GLYR1: variants seen among roughly 807,000 people sequenced by gnomAD.
GLYR1 encodes glyoxylate reductase 1 homolog.
In GLYR1, 21 loss-of-function variants were observed where a neutral mutation model predicts 72.7. That is an observed-to-expected ratio of 0.29 (90% CI 0.20 to 0.42). The LOEUF (loss-of-function observed/expected upper bound fraction) is 0.42, where lower values mean the gene tolerates loss of function less well. GLYR1 is among the 10% of genes least tolerant of loss of function. The pLI, the probability that GLYR1 is intolerant of heterozygous loss-of-function variation, is 1.00. For missense variants in GLYR1, 594 were observed against 712.1 expected, an observed-to-expected ratio of 0.83 and a Z score of 1.89; for synonymous variants, 392 against 270.2, an observed-to-expected ratio of 1.45 and a Z score of -4.42.
At position 4,834,647 on chromosome 16, in the gene GLYR1, G is replaced by C. The variant is rs138282932; in HGVS notation, c.156-1735C>G. Among the ~76,000 whole-genome samples, 1,047 of 152,128 alleles carry C rather than the reference G, an allele frequency of 6.9e-3. 9 individuals carry two copies. Among genetic ancestry groups the C allele is most frequent in the African/African-American group, 0.024 (1,003 of 41,502 alleles). On this transcript the variant is annotated intron_variant, in intron 3 of 15. Transcript: ENST00000321919. ...CACCCAGCTAATTTTTATGTTTCTA[G>C]TAGAGACGGGGTTTCCCTGTGTTGG... is the stretch of plus-strand genomic sequence containing the variant.
intron 5 of GLYR1, among the ~76,000 whole-genome samples, chr16:4,827,427 T>C (rs560897997): frequency 7.6e-4 from 116 of 152,252 alleles, no homozygotes; most frequent in Non-Finnish European, 1.4e-3. Context: ...AGCTCTGTCC[T>C]CTCCTGCTCA....
chr16:4,832,925 A>T lies in GLYR1; in HGVS notation c.156-13T>A, dbSNP rs1410589172. 6.2e-7 allele frequency: 1 copy of T among 1,607,258 alleles called. No individual in the cohort carries two copies. Among genetic ancestry groups the T allele is most frequent in the Non-Finnish European group, 8.5e-7 (1 of 1,176,420 alleles). On this transcript the variant is annotated splice_polypyrimidine_tract_variant and intron_variant, in intron 3 of 15. Coordinates refer to ENST00000321919, the MANE Select transcript of GLYR1 (RefSeq NM_032569.4). ...TTTGATCCAGGCACTAGCAGAAAAC[A>T]AACACAAAAAGGGTGTGAACCATAT... is the stretch of plus-strand genomic sequence containing the variant.
At chr16:4,825,494 CT>C (rs1368182012) in intron 5 of GLYR1, among the ~76,000 whole-genome samples, 1 of 152,184 alleles carries the variant, frequency 6.6e-6, no homozygotes, top group Non-Finnish European at 1.5e-5. Flanking sequence ...CACCTGACCT[CT>C]TTTTATGTTT....
At chr16:4,814,334 T>C (rs186804362) in intron 11 of GLYR1, among the ~76,000 whole-genome samples, 1 of 152,346 alleles carries the variant, frequency 6.6e-6, no homozygotes, top group Admixed American at 6.5e-5. Context: ...AGGGCCCTAG[T>C]AGTGTTCATT....
intron 15 of GLYR1, among the ~76,000 whole-genome samples, chr16:4,806,612 C>A (rs542377057): frequency 6.7e-6 from 1 of 148,886 alleles, no homozygotes; most frequent in South Asian, 2.1e-4. Flanking sequence ...GCTTAAGCCT[C>A]GACCCTGCCT....
intron 5 of GLYR1, among the ~76,000 whole-genome samples, chr16:4,827,921 C>CA (rs1040057463): frequency 1.3e-5 from 2 of 151,770 alleles, no homozygotes; most frequent in Non-Finnish European, 2.9e-5. Flanking sequence ...ACCAAAAAAC[C>CA]AAAAAACCAA....
rs2082828128 is a variant in GLYR1 at position 4,803,896 on chromosome 16, G to A, written c.*1340C>T. Reference sequence around the variant, plus strand: ...AGGGATAAAAAACTGACATCCCTTGGGTAACTTTTTTTTTTGCAACATTCC... The same window carrying A: ...AGGGATAAAAAACTGACATCCCTTGAGTAACTTTTTTTTTTGCAACATTCC... On this transcript the variant is annotated 3_prime_UTR_variant, in exon 16 of 16. Transcript: ENST00000321919. 2 of 152,142 alleles carry A rather than the reference G, an allele frequency of 1.3e-5. No individual in the cohort carries two copies. The highest frequency in any genetic ancestry group is 1.3e-4 in the Admixed American group (2 of 15,262). The allele number at this position is 152,142 out of a possible 1,614,324, so 9.4% of individuals were successfully genotyped here.
intron 12 of GLYR1, among the ~76,000 whole-genome samples, chr16:4,813,039 T>C (rs1218490504): frequency 6.6e-6 from 1 of 151,598 alleles, no homozygotes; most frequent in African/African-American, 2.4e-5. Flanking sequence ...CACAGCTCAC[T>C]GCAAGCTCCG....
At chr16:4,835,029 A>C (rs2085042758) in intron 3 of GLYR1, among the ~76,000 whole-genome samples, 1 of 152,168 alleles carries the variant, frequency 6.6e-6, no homozygotes, top group Non-Finnish European at 1.5e-5. Context: ...TCAAGGATGA[A>C]GCTTAAGGAG....
At chr16:4,822,629 T>A (rs1260677174) in intron 7 of GLYR1, among the ~76,000 whole-genome samples, 1 of 152,236 alleles carries the variant, frequency 6.6e-6, no homozygotes. Context: ...AACCTCATGA[T>A]CCACCTGCCT....
rs769558013 is a variant in GLYR1 at position 4,811,798 on chromosome 16, T to C, written c.1287A>G (p.Glu429=). Residue 429 remains glutamate, a synonymous_variant, in exon 14 of 16, where the codon GAA becomes GAG. Coordinates refer to ENST00000321919, the MANE Select transcript of GLYR1 (RefSeq NM_032569.4). ...GCATCATCTTGGCTGCATTGCCCAC[T>C]TCACCTGCCCAGGGTAAAGACTCAC... ...AMGKTSFFLG[E]VGNAAKMMLI... 8.1e-6 allele frequency: 13 copies of C among 1,612,372 alleles called. No individual in the cohort carries two copies. The East Asian group carries it at 2.2e-4, about 28-fold the overall frequency.
chr16:4,814,815 G>T (rs2083535531), intron 10 of GLYR1, among the ~76,000 whole-genome samples, 168 bp from the exon 11 acceptor site: 1 of 152,182 alleles, frequency 6.6e-6, no homozygotes, highest in South Asian at 2.1e-4. Context: ...GAAGTGCACG[G>T]GGCCTTTTAC....
At position 4,805,221 on chromosome 16, in the gene GLYR1, C is replaced by T. The variant is rs771053247; in HGVS notation, c.*15G>A. 8.7e-6 allele frequency: 14 copies of T among 1,611,964 alleles called. No individual in the cohort carries two copies. Among genetic ancestry groups the T allele is most frequent in the African/African-American group, 4.0e-5 (3 of 74,834 alleles). On this transcript the variant is annotated 3_prime_UTR_variant, in exon 16 of 16. Coordinates refer to ENST00000321919, the MANE Select transcript of GLYR1 (RefSeq NM_032569.4). ...AGAGGGGGGATTGGAGGGGTGAGGGCGGGGTGTCGACAGCTTAGTGTATGT... is the reference window on the plus strand; with the variant it reads ...AGAGGGGGGATTGGAGGGGTGAGGGTGGGGTGTCGACAGCTTAGTGTATGT...
At chr16:4,821,285 T>C in intron 9 of GLYR1, 95 bp downstream of exon 9, 1 of 1,242,400 alleles carries the variant, frequency 8.0e-7, no homozygotes, top group Non-Finnish European at 1.2e-6. Context: ...CAGCAATGGC[T>C]GGGACACAAC....
chr16:4,833,099 A>C, intron 3 of GLYR1, 187 bp from the exon 4 acceptor site: 1 of 462,638 alleles, frequency 2.2e-6, no homozygotes, highest in South Asian at 5.0e-5. Context: ...TATTTTCTTG[A>C]AACAAGTCAA....
rs2083731853 is a variant in GLYR1, at chr16:4,817,592, G to C, written c.906+6C>G. On this transcript the variant is annotated splice_donor_region_variant and intron_variant, in intron 10 of 15. Transcript: ENST00000321919. ...GATCCAACAGGCACCACCCCTGAATGCTTACTTTCTCTGCAGTGCGGTTCC... is the reference window on the plus strand; with the variant it reads ...GATCCAACAGGCACCACCCCTGAATCCTTACTTTCTCTGCAGTGCGGTTCC... 6.3e-7 allele frequency: 1 copy of C among 1,583,298 alleles called. No individual in the cohort carries two copies. Among genetic ancestry groups the C allele is most frequent in the Non-Finnish European group, 8.7e-7 (1 of 1,151,992 alleles).
At chr16:4,807,273 G>A (rs1034801316) in intron 15 of GLYR1, among the ~76,000 whole-genome samples, 3 of 151,682 alleles carry the variant, frequency 2.0e-5, no homozygotes, top group Non-Finnish European at 2.9e-5. Flanking sequence ...CACTATGCCC[G>A]GCTAATTTTT....
chr16:4,814,579 G>A lies in GLYR1; in HGVS notation c.975C>T (p.Asp325=), dbSNP rs746572622. 4 of 1,614,036 alleles carry A rather than the reference G, an allele frequency of 2.5e-6. No homozygotes were observed. Among genetic ancestry groups the A allele is most frequent in the South Asian group, 2.2e-5 (2 of 91,082 alleles). The change falls in exon 11 of 16, where the codon GAC becomes GAT. Residue 325 remains aspartate (D), a synonymous_variant. Coordinates refer to ENST00000321919, the MANE Select transcript of GLYR1 (RefSeq NM_032569.4). ...GATCCGACACGCAGGCGAAAGTGAT[G>A]TCGCAGGTTGAGACGACTTCAGCGG... ...RTPAEVVSTC[D]ITFACVSDPK...
chr16:4,840,954 C>T (rs2085504061), intron 3 of GLYR1, among the ~76,000 whole-genome samples: 1 of 152,178 alleles, frequency 6.6e-6, no homozygotes, highest in African/African-American at 2.4e-5. Flanking sequence ...ACATCTTTAC[C>T]CTTTATTTCC....
Sources: allele counts gnomAD v4.1 joint callset (sites outside exome capture counted in the v4.1 genomes callset), GRCh38; gene constraint gnomAD v4.1.1; transcripts MANE v1.5; gene names NCBI Gene and HGNC (gene_info 2026-07-23, HGNC 2026-07-21).